The following DLG2 variants were observed in gnomAD, a reference collection of about 807,000 sequenced individuals.
The protein encoded by DLG2 is disks large homolog 2.
In DLG2, 45 loss-of-function variants were observed where a neutral mutation model predicts 132.5. The observed-to-expected ratio is 0.34, with a 90% CI of 0.27 to 0.44. The LOEUF (loss-of-function observed/expected upper bound fraction) is 0.44. Among genes scored for constraint, DLG2 ranks in the 20% least tolerant of loss-of-function variants. DLG2 has a pLI of 1.00. For missense variants in DLG2, 1,045 were observed against 1,196.9 expected, an observed-to-expected ratio of 0.87 and a Z score of 1.87; for synonymous variants, 424 against 419.6, an observed-to-expected ratio of 1.01 and a Z score of -0.13.
chr11:85,415,953 T>C (rs1423640133), intron 3 of DLG2, among the ~76,000 whole-genome samples: 2 of 152,252 alleles, frequency 1.3e-5, no homozygotes, highest in East Asian at 3.8e-4. Flanking sequence ...CCCATGCCTA[T>C]GTCATGAATG....
chr11:84,367,447 C>T (rs1567429632), intron 7 of DLG2, among the ~76,000 whole-genome samples: 1 of 152,100 alleles, frequency 6.6e-6, no homozygotes, highest in Non-Finnish European at 1.5e-5. Flanking sequence ...AAGTCCCATT[C>T]AAGCAGGATG....
At chr11:84,857,273 T>C (rs2082923188) in intron 6 of DLG2, among the ~76,000 whole-genome samples, 1 of 151,806 alleles carries the variant, frequency 6.6e-6, no homozygotes, top group African/African-American at 2.4e-5. Context: ...CCTATCAGGA[T>C]TGAAGAGGTT....
At chr11:85,541,371 A>T (rs1318296284) in intron 3 of DLG2, among the ~76,000 whole-genome samples, 1 of 151,964 alleles carries the variant, frequency 6.6e-6, no homozygotes, top group Non-Finnish European at 1.5e-5. Context: ...CTGGAAAAAA[A>T]ATTAGAAATA....
In DLG2 at chr11:84,259,573, G is replaced by A. The variant is rs1035317107; in HGVS notation, c.520-8282C>T. 3.3e-5 allele frequency among the ~76,000 whole-genome samples: 5 copies of A among 152,262 alleles called. 1 individual carries two copies. The South Asian group carries it at 1.0e-3, about 32-fold the overall frequency. On this transcript the variant is annotated intron_variant, in intron 7 of 27. Coordinates refer to ENST00000376104, the MANE Select transcript of DLG2 (RefSeq NM_001142699.3). Reference sequence around the variant, plus strand: ...TAGTTCATCCTGCAGACTGTGTCAGGATGTCTAAAGGAAGCAACTTTGGAG... The same window carrying A: ...TAGTTCATCCTGCAGACTGTGTCAGAATGTCTAAAGGAAGCAACTTTGGAG...
chr11:84,152,559 T>C (rs1003952209), intron 9 of DLG2, among the ~76,000 whole-genome samples: 1 of 152,040 alleles, frequency 6.6e-6, no homozygotes, highest in East Asian at 1.9e-4. Context: ...GCTAATTTTT[T>C]GTATTTTTAG....
Position 84,646,685 on chromosome 11 carries a change from G to A in DLG2, c.358-111954C>T, listed in dbSNP as rs148194941. Among the ~76,000 whole-genome samples, 1,149 of 148,464 alleles carry A rather than the reference G, an allele frequency of 7.7e-3. 6 individuals carry two copies. Among genetic ancestry groups the A allele is most frequent in the Non-Finnish European group, 0.011 (729 of 67,354 alleles). On this transcript the variant is annotated intron_variant, in intron 6 of 27. Transcript: ENST00000376104. ...TGGTTCAAAAAATAACAACCTCAGA[G>A]CACAAGATTTTACACTTAAAAAAAA...
At chr11:84,326,105 A>T (rs1195488349) in intron 7 of DLG2, among the ~76,000 whole-genome samples, 1 of 152,008 alleles carries the variant, frequency 6.6e-6, no homozygotes, top group Non-Finnish European at 1.5e-5. Context: ...CATTTTAAAA[A>T]ATTTTAGCTA....
chr11:85,040,962 G>A (rs532455921), intron 6 of DLG2, among the ~76,000 whole-genome samples: 36 of 151,942 alleles, frequency 2.4e-4, no homozygotes, highest in African/African-American at 8.7e-4. Flanking sequence ...GTTAGTAATA[G>A]GTGGAGCTGG....
intron 18 of DLG2, chr11:83,643,840 C>G (rs2067308689): frequency 6.7e-6 from 1 of 150,200 alleles, no homozygotes; most frequent in African/African-American, 2.5e-5. Context: ...TAGTTTCATT[C>G]AGTTTTTTTT....
At chr11:84,368,866 A>T (rs908675481) in intron 7 of DLG2, among the ~76,000 whole-genome samples, 1 of 152,140 alleles carries the variant, frequency 6.6e-6, no homozygotes, top group Non-Finnish European at 1.5e-5. Flanking sequence ...CAGAAAAAGT[A>T]TATTTGTATA....
At chr11:84,361,857 G>A (rs1191631617) in intron 7 of DLG2, among the ~76,000 whole-genome samples, 1 of 151,812 alleles carries the variant, frequency 6.6e-6, no homozygotes, top group Non-Finnish European at 1.5e-5. Context: ...AAGATAGACT[G>A]TGATAAATTG....
chr11:85,081,260 A>G (rs1468787664), intron 6 of DLG2, among the ~76,000 whole-genome samples: 2 of 152,208 alleles, frequency 1.3e-5, no homozygotes, highest in Non-Finnish European at 2.9e-5. Flanking sequence ...GTCCGGCATC[A>G]TGAGTAAACT....
At chr11:83,831,558 G>A (rs1595095019) in intron 17 of DLG2, among the ~76,000 whole-genome samples, 1 of 151,798 alleles carries the variant, frequency 6.6e-6, no homozygotes. Flanking sequence ...GAGAGAGAAA[G>A]AGAGAGAGAT....
At chr11:85,118,924 G>C (rs184563327) in intron 5 of DLG2, among the ~76,000 whole-genome samples, 1 of 151,420 alleles carries the variant, frequency 6.6e-6, no homozygotes, top group Non-Finnish European at 1.5e-5. Context: ...ATGTCTAGGG[G>C]CCTGATATAT....
chr11:85,063,520 G>A (rs11234277), intron 6 of DLG2, among the ~76,000 whole-genome samples: 30,794 of 151,726 alleles, frequency 0.2, 3,527 homozygotes, highest in Middle Eastern at 0.28. Context: ...GGCAATCACA[G>A]TGAAAAACGG....
intron 3 of DLG2, among the ~76,000 whole-genome samples, chr11:85,480,070 T>A (rs982941850): frequency 6.6e-6 from 1 of 152,128 alleles, no homozygotes; most frequent in Non-Finnish European, 1.5e-5. Flanking sequence ...ATACAGCCCA[T>A]AAGACTTAAA....
chr11:84,203,178 G>A (rs2096618988), intron 8 of DLG2, among the ~76,000 whole-genome samples: 1 of 152,150 alleles, frequency 6.6e-6, no homozygotes, highest in African/African-American at 2.4e-5. Context: ...GTTCAGTGCA[G>A]CACTGTTCAC....
At chr11:84,900,062 C>A (rs12295559) in intron 6 of DLG2, among the ~76,000 whole-genome samples, 24,234 of 151,920 alleles carry the variant, frequency 0.16, 2,465 homozygotes, top group African/African-American at 0.28. Flanking sequence ...TTCCTCTGAC[C>A]TTCAGTATCT....
At chr11:83,800,799 G>T (rs2044158066) in intron 17 of DLG2, among the ~76,000 whole-genome samples, 1 of 152,144 alleles carries the variant, frequency 6.6e-6, no homozygotes, top group African/African-American at 2.4e-5. Context: ...AAGGCTGAAA[G>T]ACAGTAAGAT....
Sources: allele counts gnomAD v4.1 joint callset (sites outside exome capture counted in the v4.1 genomes callset), GRCh38; gene constraint gnomAD v4.1.1; transcripts MANE v1.5; gene names NCBI Gene and HGNC (gene_info 2026-07-23, HGNC 2026-07-21).